The following NCOR2 variants were observed in gnomAD, a reference collection of about 807,000 sequenced individuals.
The protein encoded by NCOR2 is nuclear receptor corepressor 2, also known as CTG repeat protein 26.
A neutral mutation model predicts 262.9 loss-of-function variants in NCOR2; 81 were observed. The ratio of observed to expected loss-of-function variants is 0.31; its 90% CI spans 0.26 to 0.37. The LOEUF is 0.37. Among genes scored for constraint, NCOR2 ranks in the 10% least tolerant of loss-of-function variants. NCOR2 has a pLI of 1.00. For missense variants in NCOR2, 3,385 were observed against 3,621.4 expected (o/e 0.93, Z 1.68); for synonymous variants, 1,659 against 1,559.3 (o/e 1.06, Z -1.51).
At chr12:124,560,191 G>C (rs1594076900) in intron 1 of NCOR2, among the ~76,000 whole-genome samples, 1 of 152,172 alleles carries the variant, frequency 6.6e-6, no homozygotes, top group Non-Finnish European at 1.5e-5. Context: ...GTATATTAGG[G>C]ATCGGCAAAT....
chr12:124,362,430 C>A, intron 21 of NCOR2, 133 bp from the exon 24 acceptor site: 1 of 806,942 alleles, frequency 1.2e-6, no homozygotes. Flanking sequence ...GTCCCAGGTG[C>A]GGCAAGAAAG....
Position 124,355,566 on chromosome 12 carries a change from G to C in NCOR2, c.3247C>G (p.Pro1083Ala), listed in dbSNP as rs1463622357. The C allele has an allele frequency of 2.5e-6, 4 of 1,569,376 alleles. No homozygotes were observed. The South Asian group carries it at 4.8e-5, about 19-fold the overall frequency. The change falls in exon 24 of 47, where the codon CCA (proline) becomes GCA (alanine). Residue 1083 changes from proline (P) to alanine (A), a missense_variant. Around this residue, in one of 5 missense-constraint regions of NCOR2, gnomAD observed 1,615 missense variants for 1,626.9 expected, o/e 0.99. Transcript: ENST00000405201. ...GTGTCATGGAGGCCCAGGGGCAGTGGGTGACCTGTGGAGCACATGTCTGTC... is the reference window on the plus strand; with the variant it reads ...GTGTCATGGAGGCCCAGGGGCAGTGCGTGACCTGTGGAGCACATGTCTGTC...
Position 124,325,272 on chromosome 12 carries a change from G to A in NCOR2, c.*130C>T, listed in dbSNP as rs2034526814. 7.6e-6 allele frequency: 4 copies of A among 529,428 alleles called. No homozygotes were observed. The East Asian group carries it at 1.4e-4, about 19-fold the overall frequency. 32.8% of individuals were successfully genotyped at this position (529,428 alleles called of 1,614,324 possible). A position where few individuals can be genotyped will look rare whatever the true frequency, so the allele number is the denominator to read the frequency against. On this transcript the variant is annotated 3_prime_UTR_variant, in exon 47 of 47. Transcript: ENST00000405201. The stretch of plus-strand genomic sequence containing the variant: ...GGATGCCGGCTCTGGACGGACAGAT[G>A]GATGGAGGCGCAGGCGGACTCAGGG...
chr12:124,477,630 C>T (rs146949811), intron 3 of NCOR2, among the ~76,000 whole-genome samples: 2 of 152,310 alleles, frequency 1.3e-5, no homozygotes, highest in East Asian at 1.9e-4. Context: ...TGTGAACCGA[C>T]CCTCAACTGA....
At chr12:124,416,712 AC>A (rs1374061152) in intron 13 of NCOR2, among the ~76,000 whole-genome samples, 1 of 131,260 alleles carries the variant, frequency 7.6e-6, no homozygotes, top group Non-Finnish European at 1.6e-5. Flanking sequence ...CACAGATAGA[AC>A]CCGCGGCACA....
At chr12:124,384,158 C>T (rs1322210449) in intron 17 of NCOR2, among the ~76,000 whole-genome samples, 1 of 152,234 alleles carries the variant, frequency 6.6e-6, no homozygotes, top group East Asian at 1.9e-4. Context: ...CTGGATGAAC[C>T]ACCTCAGACT....
At chr12:124,416,661 C>G (rs980235973) in intron 13 of NCOR2, among the ~76,000 whole-genome samples, 1 of 150,086 alleles carries the variant, frequency 6.7e-6, no homozygotes, top group African/African-American at 2.5e-5. Context: ...CAGGGAGACC[C>G]CACAGCACAG....
intron 3 of NCOR2, among the ~76,000 whole-genome samples, chr12:124,479,012 C>CCAGAACCCACAGAGCAACGG (rs1216279951): frequency 6.3e-4 from 96 of 152,236 alleles, no homozygotes; most frequent in Middle Eastern, 3.4e-3. Flanking sequence ...CGGAGACCCT[C>CCAGAACCCACAGAGCAACGG]TAGAACCCAC....
At chr12:124,539,781 T>A (rs2051234171), upstream of NCOR2, 1 of 152,098 alleles carries the variant, frequency 6.6e-6, no homozygotes, top group Non-Finnish European at 1.5e-5. This position sits in a 1 kb window ranked among gnomAD's most constrained non-coding sequence, Gnocchi z 5.1. Flanking sequence ...AAACGCACCG[T>A]CACCCTGCTC....
At chr12:124,376,559 A>G (rs2040015698) in intron 18 of NCOR2, among the ~76,000 whole-genome samples, 3 of 152,152 alleles carry the variant, frequency 2.0e-5, no homozygotes. Context: ...CTTCTGGTCA[A>G]CTTGGGTCAG....
intron 1 of NCOR2, among the ~76,000 whole-genome samples, chr12:124,519,846 C>T (rs4765153): frequency 0.077 from 11,768 of 152,148 alleles, 719 homozygotes; most frequent in African/African-American, 0.16. Context: ...TGAGCCGCCA[C>T]ACACAGACAG....
chr12:124,348,408 A>G, intron 28 of NCOR2, 94 bp from the exon 31 acceptor site: 1 of 1,468,908 alleles, frequency 6.8e-7, no homozygotes, highest in Non-Finnish European at 9.1e-7. Context: ...GGCAGGAGCC[A>G]GCAGTGCTTC....
chr12:124,414,375 G>T (rs2042749001), intron 13 of NCOR2, among the ~76,000 whole-genome samples: 1 of 152,186 alleles, frequency 6.6e-6, no homozygotes, highest in South Asian at 2.1e-4. Context: ...ATGACTGTTG[G>T]CCGGCACCAT....
rs2045952645 is a variant in NCOR2, at chr12:124,457,649, ATTC to A, written c.706-490_706-488del. On this transcript the variant is annotated intron_variant, in intron 5 of 46. Transcript: ENST00000405201. The surrounding 1 kb of genome is among the most constrained non-coding windows in gnomAD (Gnocchi z 4.0). ...GGCGCTCGGAGATACCCTTTCTAGG[ATTC>A]TTGTGTTTCACAATCATGTGATTAT... 1.3e-5 allele frequency among the ~76,000 whole-genome samples: 2 copies of A among 151,754 alleles called. No homozygotes were observed. Among genetic ancestry groups the A allele is most frequent in the Admixed American group, 6.6e-5 (1 of 15,264 alleles).
rs1032900200 is a variant in NCOR2, at chr12:124,430,501, C to T, written c.1055+114G>A. ...GGTCTGGTAGGGCCCTGGCCACTGG[C>T]CTGAGAAGCTGCTGTGCTGTTCTGT... On this transcript the variant is annotated intron_variant, in intron 9 of 46. Transcript: ENST00000405201. 29 of 1,329,028 alleles carry T rather than the reference C, an allele frequency of 2.2e-5. No homozygotes were observed. The East Asian group carries it at 6.6e-4, about 30-fold the overall frequency. 82.3% of individuals were successfully genotyped at this position (1,329,028 alleles called of 1,614,324 possible).
intron 37 of NCOR2, among the ~76,000 whole-genome samples, chr12:124,339,206 CG>C (rs2036178018): frequency 7.2e-6 from 1 of 138,280 alleles, no homozygotes; most frequent in Non-Finnish European, 1.6e-5. Context: ...CTACCTAACC[CG>C]ATCTACCTAC....
At chr12:124,339,897 A>AC in intron 37 of NCOR2, 109 bp downstream of exon 39, 45 of 176,222 alleles carry the variant, frequency 2.6e-4, no homozygotes, top group South Asian at 3.5e-4. Context: ...ACATCTGCCC[A>AC]CCCACCCACC....
At chr12:124,490,966 C>T (rs989453549) in intron 1 of NCOR2, among the ~76,000 whole-genome samples, 2 of 152,234 alleles carry the variant, frequency 1.3e-5, no homozygotes, top group East Asian at 1.9e-4. Flanking sequence ...TGAAACAGAC[C>T]GGTCCTTCCC....
At chr12:124,411,804 C>A (rs1467955727) in intron 13 of NCOR2, among the ~76,000 whole-genome samples, 2 of 152,252 alleles carry the variant, frequency 1.3e-5, no homozygotes, top group Non-Finnish European at 2.9e-5. Context: ...GATGCTCGGG[C>A]CTCAACCCAG....
Sources: allele counts gnomAD v4.1 joint callset (sites outside exome capture counted in the v4.1 genomes callset), GRCh38; gene constraint gnomAD v4.1.1; regional missense constraint gnomAD v4.1.1; non-coding constraint Gnocchi (gnomAD v3.1); transcripts MANE v1.5; gene names NCBI Gene and HGNC (gene_info 2026-07-23, HGNC 2026-07-21).